GRM4: variants seen among roughly 807,000 people sequenced by gnomAD.
The protein encoded by GRM4 is glutamate metabotropic receptor 4.
In GRM4, 28 loss-of-function variants were observed where a neutral mutation model predicts 81.7. That is an observed-to-expected ratio of 0.34 (90% CI 0.25 to 0.47). GRM4 has a LOEUF of 0.47. Among genes scored for constraint, GRM4 ranks in the 20% least tolerant of loss-of-function variants. The pLI is 1.00. For synonymous variants in GRM4, 488 were observed against 528.8 expected (o/e 0.92, Z 1.06); for missense variants, 948 against 1,290.0 (o/e 0.73, Z 4.06).
intron 9 of GRM4, among the ~76,000 whole-genome samples, chr6:34,030,961 T>C (rs55855703): frequency 0.078 from 11,835 of 152,282 alleles, 1,068 homozygotes; most frequent in African/African-American, 0.22. Context: ...CCGCCAGTTC[T>C]GCTCCTTGCC....
At position 34,089,487 on chromosome 6, in the gene GRM4, C is replaced by G. The variant is rs900465505; in HGVS notation, c.736+2396G>C. Among the ~76,000 whole-genome samples, 1 of 151,948 alleles carries G rather than the reference C, an allele frequency of 6.6e-6. No individual in the cohort carries two copies. The highest frequency in any genetic ancestry group is 2.4e-5 in the African/African-American group (1 of 41,344). ...CTGCCTGAACTGCCCTGGCCAGGCC[C>G]CCGTAGGATGTTGCACACTGGCATG... is the stretch of plus-strand genomic sequence containing the variant. On this transcript the variant is annotated intron_variant, in intron 3 of 10. Transcript: ENST00000538487. This position sits in a 1 kb window ranked among gnomAD's most constrained non-coding sequence, Gnocchi z 4.3.
Position 34,089,266 on chromosome 6 carries a change from G to A in GRM4, c.736+2617C>T, listed in dbSNP as rs796764511. Among the ~76,000 whole-genome samples the A allele has an allele frequency of 2.3e-4, 35 of 152,046 alleles. 1 individual carries two copies. The highest frequency in any genetic ancestry group is 7.2e-4 in the African/African-American group (30 of 41,464). The stretch of plus-strand genomic sequence containing the variant: ...CAGAGTACGAATCAATACAATATAC[G>A]GCCAAAGACATCTTTAATCTTTCAC... On this transcript the variant is annotated intron_variant, in intron 3 of 10. Coordinates refer to ENST00000538487, the MANE Select transcript of GRM4 (RefSeq NM_000841.4). The surrounding 1 kb of genome is among the most constrained non-coding windows in gnomAD (Gnocchi z 4.3).
intron 10 of GRM4, among the ~76,000 whole-genome samples, chr6:34,025,599 C>T (rs1476418251): frequency 1.3e-5 from 2 of 152,210 alleles, no homozygotes; most frequent in African/African-American, 4.8e-5. Flanking sequence ...TCACCCAAGC[C>T]TCAGTCTCAC....
At chr6:34,071,988 T>TAAC (rs1766911006) in intron 3 of GRM4, among the ~76,000 whole-genome samples, 7 of 6,118 alleles carry the variant, frequency 1.1e-3, no homozygotes, top group Non-Finnish European at 1.9e-3. Flanking sequence ...CTCCCACACA[T>TAAC]CACCACAAAA....
intron 3 of GRM4, among the ~76,000 whole-genome samples, chr6:34,072,230 C>CCA (rs199994906): frequency 0.36 from 39,458 of 108,344 alleles, 7,410 homozygotes; most frequent in African/African-American, 0.58. Context: ...CAGATGCACA[C>CCA]CACACACACA....
At chr6:34,144,649 G>A (rs1053609265) in intron 1 of GRM4, among the ~76,000 whole-genome samples, 1 of 152,100 alleles carries the variant, frequency 6.6e-6, no homozygotes, top group African/African-American at 2.4e-5. Flanking sequence ...GCGCGAGGCT[G>A]GGTGCCCTCC....
rs7747705 is a variant in GRM4, at chr6:34,080,853, C to T, written c.736+11030G>A. ...TCTCACACACACACACACATACACACACACATACACATACATATACACACA... is the reference window on the plus strand; with the variant it reads ...TCTCACACACACACACACATACACATACACATACACATACATATACACACA... On this transcript the variant is annotated intron_variant, in intron 3 of 10. Transcript: ENST00000538487. The surrounding 1 kb of genome is among the most constrained non-coding windows in gnomAD (Gnocchi z 5.4). 8.4e-4 allele frequency among the ~76,000 whole-genome samples: 79 copies of T among 94,092 alleles called. No homozygotes were observed. Among genetic ancestry groups the T allele is most frequent in the South Asian group, 6.3e-3 (17 of 2,688 alleles). The allele number at this position is 94,092 out of a possible 152,430, so 61.7% of individuals were successfully genotyped here.
Position 34,070,763 on chromosome 6 carries a change from C to A in GRM4, c.737-8735G>T, listed in dbSNP as rs186400621. The stretch of plus-strand genomic sequence containing the variant: ...CTTTCCCTCCTGAAGGCTCTCAGCA[C>A]CCCCACCACACCCCCGCCACACCCC... On this transcript the variant is annotated intron_variant, in intron 3 of 10. Transcript: ENST00000538487. The surrounding 1 kb of genome is among the most constrained non-coding windows in gnomAD (Gnocchi z 4.6). Among the ~76,000 whole-genome samples the A allele has an allele frequency of 5.3e-3, 796 of 149,864 alleles. 1 individual carries two copies. Among genetic ancestry groups the A allele is most frequent in the Non-Finnish European group, 9.3e-3 (631 of 67,512 alleles).
rs139821349 is a variant in GRM4 at position 34,090,703 on chromosome 6, G to T, written c.736+1180C>A. Among the ~76,000 whole-genome samples, 1,270 of 151,918 alleles carry T rather than the reference G, an allele frequency of 8.4e-3. 26 individuals are homozygous for T. The highest frequency in any genetic ancestry group is 0.028 in the African/African-American group (1,174 of 41,380). ...AGCAGCTTCAGCTGTACAATTAAAGGGGCTTATCCGAGATTTATAGCAGGA... is the reference window on the plus strand; with the variant it reads ...AGCAGCTTCAGCTGTACAATTAAAGTGGCTTATCCGAGATTTATAGCAGGA... On this transcript the variant is annotated intron_variant, in intron 3 of 10. Transcript: ENST00000538487. This position sits in a 1 kb window ranked among gnomAD's most constrained non-coding sequence, Gnocchi z 5.2.
intron 2 of GRM4, chr6:34,103,496 G>GA: frequency 9.4e-7 from 1 of 1,063,714 alleles, no homozygotes; most frequent in Admixed American, 2.0e-5. Context: ...GGCGGGGGCG[G>GA]CGGGCGAGGG....
At chr6:34,143,581 C>T (rs1167758202) in intron 1 of GRM4, among the ~76,000 whole-genome samples, 1 of 152,238 alleles carries the variant, frequency 6.6e-6, no homozygotes, top group Admixed American at 6.5e-5. Context: ...CTACCCTAGG[C>T]CGGAAGGCCC....
In GRM4 at chr6:34,069,119, G is replaced by C. The variant is rs891754665; in HGVS notation, c.737-7091C>G. The stretch of plus-strand genomic sequence containing the variant: ...CCCCCGGCTCCCATAGGGGAGGACA[G>C]AGGGGAGGACAGGGGCTGGAAGCTA... On this transcript the variant is annotated intron_variant, in intron 3 of 10. Coordinates refer to ENST00000538487, the MANE Select transcript of GRM4 (RefSeq NM_000841.4). This position sits in a 1 kb window ranked among gnomAD's most constrained non-coding sequence, Gnocchi z 6.4. Among the ~76,000 whole-genome samples the C allele has an allele frequency of 2.0e-5, 3 of 151,806 alleles. No homozygotes were observed. Among genetic ancestry groups the C allele is most frequent in the Non-Finnish European group, 2.9e-5 (2 of 67,936 alleles).
rs188859234 is a variant in GRM4 at position 34,110,713 on chromosome 6, G to A, written c.520-18614C>T. On this transcript the variant is annotated intron_variant, in intron 2 of 10. Coordinates refer to ENST00000538487, the MANE Select transcript of GRM4 (RefSeq NM_000841.4). ...GTGTCTGCCTCAGCCTCCCCGCTGT[G>A]CCGGGGTGCTGGGCTGGTAGCACCT... 5,917 of 1,520,866 alleles carry A rather than the reference G, an allele frequency of 3.9e-3. 15 individuals carry two copies. Among genetic ancestry groups the A allele is most frequent in the Non-Finnish European group, 4.9e-3 (5,634 of 1,138,762 alleles). 94.2% of individuals were successfully genotyped at this position (1,520,866 alleles called of 1,614,324 possible). A position where few individuals can be genotyped will look rare whatever the true frequency, so the allele number is the denominator to read the frequency against.
chr6:34,123,221 C>T (rs147881589), intron 2 of GRM4, among the ~76,000 whole-genome samples: 136 of 152,294 alleles, frequency 8.9e-4, no homozygotes, highest in Non-Finnish European at 1.5e-3. Flanking sequence ...ATCACCCCAG[C>T]GCCCGCAGCA....
At chr6:34,044,261 C>CACAT (rs1161316894) in intron 6 of GRM4, among the ~76,000 whole-genome samples, 35 of 150,982 alleles carry the variant, frequency 2.3e-4, no homozygotes, top group Admixed American at 7.2e-4. Flanking sequence ...GACATACATA[C>CACAT]ATACACATAT....
chr6:34,134,056 AG>A (rs933249962), intron 1 of GRM4, among the ~76,000 whole-genome samples, 197 bp from the exon 2 acceptor site: 1 of 152,122 alleles, frequency 6.6e-6, no homozygotes, highest in Non-Finnish European at 1.5e-5. Flanking sequence ...GGCAGAAATT[AG>A]GTCATGTTTG....
rs138247081 is a variant in GRM4, at chr6:34,036,169, G to A, written c.1941C>T (p.Pro647=). The A allele has an allele frequency of 1.1e-4, 172 of 1,614,082 alleles. 1 individual carries two copies. The African/African-American group carries it at 1.8e-3, about 17-fold the overall frequency. Residue 647 remains proline (P), a synonymous_variant, in exon 9 of 11, where the codon CCC becomes CCT. Coordinates refer to ENST00000538487, the MANE Select transcript of GRM4 (RefSeq NM_000841.4). The surrounding 1 kb of genome is among the most constrained non-coding windows in gnomAD (Gnocchi z 9.0). The part of the protein sequence containing the change: ...YATTFLMIAE[P]DLGTCSLRRI... ...GGCGCAGCGAGCAGGTGCCAAGGTC[G>A]GGCTCAGCGATCATGAGGAAGGTGG...
At chr6:34,153,925 CAAA>C (rs3041982) in intron 1 of GRM4, among the ~76,000 whole-genome samples, 8 of 129,472 alleles carry the variant, frequency 6.2e-5, no homozygotes, top group African/African-American at 1.1e-4. Context: ...GACTCTGTCT[CAAA>C]AAAAAAAAAA....
intron 2 of GRM4, among the ~76,000 whole-genome samples, chr6:34,096,513 C>T (rs2127489960): frequency 6.6e-6 from 1 of 152,382 alleles, no homozygotes; most frequent in Admixed American, 6.5e-5. Context: ...GCCCTCCAAG[C>T]ACCCCACCTT....
Sources: gnomAD v4.1 joint callset for allele counts (sites outside exome capture counted in the v4.1 genomes callset) on GRCh38, gnomAD v4.1.1 for gene constraint, Gnocchi (gnomAD v3.1) non-coding constraint, MANE v1.5 for transcripts, NCBI Gene and HGNC (gene_info 2026-07-23, HGNC 2026-07-21) for gene names.